Variants in IQGAP1 observed in about 807,000 individuals in gnomAD.
IQGAP1 encodes IQ motif containing GTPase activating protein 1, also known as ras GTPase-activating-like protein IQGAP1.
IQGAP1 carries 66 observed loss-of-function variants against 215.6 expected under a neutral mutation model. The ratio of observed to expected loss-of-function variants is 0.31; its 90% CI spans 0.25 to 0.38. The LOEUF is 0.38. IQGAP1 is among the 10% of genes least tolerant of loss of function. IQGAP1 has a pLI of 1.00. For synonymous variants in IQGAP1, 772 were observed against 728.7 expected, an observed-to-expected ratio of 1.06 and a Z score of -0.96; for missense variants, 1,712 against 1,997.1, an observed-to-expected ratio of 0.86 and a Z score of 2.72.
At chr15:90,450,238 G>A (rs1200437384) in intron 11 of IQGAP1, among the ~76,000 whole-genome samples, 1 of 149,954 alleles carries the variant, frequency 6.7e-6, no homozygotes, top group Non-Finnish European at 1.5e-5. Context: ...AGATCAGGAG[G>A]TATTTGCCTT....
chr15:90,418,340 A>T (rs1965082564), intron 2 of IQGAP1, among the ~76,000 whole-genome samples: 1 of 152,276 alleles, frequency 6.6e-6, no homozygotes, highest in South Asian at 2.1e-4. Flanking sequence ...TAATCCTTGC[A>T]CTTTGGGAGG....
chr15:90,492,396 T>G, intron 34 of IQGAP1, 149 bp from the exon 35 acceptor site: 2 of 570,098 alleles, frequency 3.5e-6, no homozygotes. Context: ...CACTGCACAC[T>G]CGAGCCTGGG....
intron 11 of IQGAP1, among the ~76,000 whole-genome samples, chr15:90,451,091 A>G (rs1965597940): frequency 6.6e-6 from 1 of 152,116 alleles, no homozygotes; most frequent in Non-Finnish European, 1.5e-5. Context: ...GTCGCTTCAT[A>G]GTTTCAGGTC....
chr15:90,421,074 T>C (rs1406582626), intron 2 of IQGAP1, among the ~76,000 whole-genome samples: 1 of 152,106 alleles, frequency 6.6e-6, no homozygotes, highest in Non-Finnish European at 1.5e-5. Flanking sequence ...AAGCCAGAGG[T>C]TGCAATGAGC....
chr15:90,468,343 G>A (rs866407521), intron 18 of IQGAP1, among the ~76,000 whole-genome samples: 3 of 152,118 alleles, frequency 2.0e-5, no homozygotes, highest in South Asian at 4.1e-4. Context: ...GGGATTACAG[G>A]CGTGAGCCAG....
chr15:90,409,329 C>A (rs1423124466), intron 2 of IQGAP1, among the ~76,000 whole-genome samples: 1 of 151,354 alleles, frequency 6.6e-6, no homozygotes, highest in Non-Finnish European at 1.5e-5. Context: ...CCTCCACCTC[C>A]CGGCTTCAAG....
chr15:90,413,475 A>G (rs955265148), intron 2 of IQGAP1, among the ~76,000 whole-genome samples: 1 of 152,238 alleles, frequency 6.6e-6, no homozygotes, highest in Admixed American at 6.5e-5. Flanking sequence ...ATGGAACTTA[A>G]AGCAGGAGCT....
rs749051391 is a variant in IQGAP1, at chr15:90,449,603, A to C, written c.1122A>C (p.Gly374=). 2 of 1,613,088 alleles carry C rather than the reference A, an allele frequency of 1.2e-6. No individual in the cohort carries two copies. Among genetic ancestry groups the C allele is most frequent in the Admixed American group, 1.7e-5 (1 of 59,890 alleles). Residue 374 remains glycine, a synonymous_variant, in exon 11 of 38, where the codon GGA becomes GGC. Transcript: ENST00000268182. ...DPLQKEELQS[G]VDAANSAAQQ... The stretch of plus-strand genomic sequence containing the variant: ...TGCAGAAGGAGGAGCTGCAGTCTGG[A>C]GTGGATGCTGCAAACAGTGCTGCCC...
At chr15:90,458,607 C>G (rs1311853844) in intron 15 of IQGAP1, among the ~76,000 whole-genome samples, 1 of 152,220 alleles carries the variant, frequency 6.6e-6, no homozygotes, top group Admixed American at 6.5e-5. Flanking sequence ...GCTTAGGAAT[C>G]TGTATTTTAA....
chr15:90,475,059 G>C (rs1248760753), intron 23 of IQGAP1, among the ~76,000 whole-genome samples: 2 of 145,478 alleles, frequency 1.4e-5, no homozygotes, highest in African/African-American at 5.2e-5. Context: ...GAGTGCAGTG[G>C]CGTGATCTCG....
chr15:90,399,890 TTTAAA>T (rs769090311), intron 2 of IQGAP1, among the ~76,000 whole-genome samples: 3 of 152,212 alleles, frequency 2.0e-5, no homozygotes, highest in East Asian at 1.9e-4. Context: ...GTTCTGGACT[TTTAAA>T]TTATGGTGAA....
At chr15:90,488,284 T>C (rs1020983852) in intron 33 of IQGAP1, among the ~76,000 whole-genome samples, 1 of 151,106 alleles carries the variant, frequency 6.6e-6, no homozygotes, top group African/African-American at 2.5e-5. Flanking sequence ...TATTTGCATA[T>C]ACTTACGTTC....
At chr15:90,473,632 C>A in intron 19 of IQGAP1, 83 bp from the exon 20 acceptor site, 1 of 947,702 alleles carries the variant, frequency 1.1e-6, no homozygotes, top group South Asian at 1.5e-5. Context: ...GCACTTGGAT[C>A]ATGTATCAAG....
At chr15:90,414,225 AG>A (rs1175285266) in intron 2 of IQGAP1, among the ~76,000 whole-genome samples, 2 of 150,268 alleles carry the variant, frequency 1.3e-5, no homozygotes, top group Non-Finnish European at 3.0e-5. Context: ...GAGATGGAGA[AG>A]GGGGCGGGGA....
intron 2 of IQGAP1, among the ~76,000 whole-genome samples, chr15:90,422,660 GTA>G (rs371022759): frequency 0.27 from 23,166 of 85,476 alleles, 2,872 homozygotes; most frequent in African/African-American, 0.42. Flanking sequence ...ATATATATAT[GTA>G]TATATATATA....
At position 90,452,759 on chromosome 15, in the gene IQGAP1, C is replaced by A. The variant is rs777304067; in HGVS notation, c.1163-16C>A. On this transcript the variant is annotated splice_polypyrimidine_tract_variant and intron_variant, in intron 11 of 37. Coordinates refer to ENST00000268182, the MANE Select transcript of IQGAP1 (RefSeq NM_003870.4). The stretch of plus-strand genomic sequence containing the variant: ...CTCTAAGCCCACTGCGTTTCTGACT[C>A]CTGTTTTTTACACAGGATTGGCAGC... 3 of 1,612,998 alleles carry A rather than the reference C, an allele frequency of 1.9e-6. No individual in the cohort carries two copies. The South Asian group carries it at 3.3e-5, about 18-fold the overall frequency.
intron 35 of IQGAP1, 104 bp from the exon 36 acceptor site, chr15:90,494,609 T>C: frequency 2.1e-6 from 2 of 932,116 alleles, no homozygotes; most frequent in Non-Finnish European, 3.2e-6. Flanking sequence ...TACTTATGCT[T>C]ATGTCTGGAA....
chr15:90,449,407 T>G, intron 10 of IQGAP1, 152 bp from the exon 11 acceptor site: 1 of 575,284 alleles, frequency 1.7e-6, no homozygotes, highest in Non-Finnish European at 3.0e-6. Context: ...TGGCTCTACC[T>G]GGGGCTGCCA....
At chr15:90,445,858 T>C (rs1280502595) in intron 9 of IQGAP1, among the ~76,000 whole-genome samples, 1 of 151,940 alleles carries the variant, frequency 6.6e-6, no homozygotes, top group African/African-American at 2.4e-5. Context: ...TTTTTTTTTT[T>C]TTTGGAGACA....
Sources: gnomAD v4.1 joint callset for allele counts (sites outside exome capture counted in the v4.1 genomes callset) on GRCh38, gnomAD v4.1.1 for gene constraint, MANE v1.5 for transcripts, NCBI Gene and HGNC (gene_info 2026-07-23, HGNC 2026-07-21) for gene names.